The following SAMD12 variants were observed in gnomAD, a reference collection of about 807,000 sequenced individuals.
SAMD12 encodes the protein sterile alpha motif domain containing 12.
SAMD12 carries 9 observed loss-of-function variants against 15.0 expected under a neutral mutation model. That is an observed-to-expected ratio of 0.60 (90% CI 0.36 to 1.05). The LOEUF is 1.05. Among genes scored for constraint, SAMD12 ranks in the 50% least tolerant of loss-of-function variants. The pLI, the probability that SAMD12 is intolerant of heterozygous loss-of-function variation, is 0.01. For synonymous variants in SAMD12, 86 were observed against 90.1 expected (o/e 0.96, Z 0.25); for missense variants, 230 against 234.2 (o/e 0.98, Z 0.12).
At chr8:118,206,199 C>G (rs1476987055) in intron 4 of SAMD12, among the ~76,000 whole-genome samples, 1 of 152,190 alleles carries the variant, frequency 6.6e-6, no homozygotes, top group Admixed American at 6.5e-5. Context: ...GACTAGAAAA[C>G]TCTGTTTAAT....
rs145109815 is a variant in SAMD12 at position 118,589,531 on chromosome 8, G to C, written c.14-8638C>G. On this transcript the variant is annotated intron_variant, in intron 1 of 3. Transcript: ENST00000314727. The stretch of plus-strand genomic sequence containing the variant: ...GAAATTAAAATAATGCTTAACTTAG[G>C]TATTGCAGAATCAGTAAAGTGGGGA... 6.5e-4 allele frequency among the ~76,000 whole-genome samples: 99 copies of C among 152,300 alleles called. 1 individual carries two copies. Among genetic ancestry groups the C allele is most frequent in the Admixed American group, 2.7e-3 (42 of 15,288 alleles).
At chr8:118,336,779 T>C (rs1250581549) in intron 4 of SAMD12, among the ~76,000 whole-genome samples, 4 of 152,186 alleles carry the variant, frequency 2.6e-5, no homozygotes, top group Admixed American at 2.0e-4. Flanking sequence ...CCATCAATGA[T>C]AGACTGGATT....
At chr8:118,189,509 G>A (rs1819301252) in exon 5 of SAMD12, 1 of 152,076 alleles carries the variant, frequency 6.6e-6, no homozygotes, top group South Asian at 2.1e-4. Flanking sequence ...CACATAAGGA[G>A]TCAAGTAATG....
At chr8:118,533,891 T>C (rs1825760475) in intron 2 of SAMD12, among the ~76,000 whole-genome samples, 1 of 152,222 alleles carries the variant, frequency 6.6e-6, no homozygotes, top group Non-Finnish European at 1.5e-5. Flanking sequence ...CTTGACTCTT[T>C]ATCCAATTTG....
intron 4 of SAMD12, among the ~76,000 whole-genome samples, chr8:118,228,486 A>C (rs1812232347): frequency 6.6e-6 from 1 of 152,250 alleles, no homozygotes; most frequent in South Asian, 2.1e-4. Context: ...GGACATGAAT[A>C]GACAATTCTC....
intron 2 of SAMD12, among the ~76,000 whole-genome samples, chr8:118,482,224 T>C (rs1824146466): frequency 6.6e-6 from 1 of 152,228 alleles, no homozygotes; most frequent in African/African-American, 2.4e-5. Flanking sequence ...AGACCCTTGA[T>C]ATAAGATGAC....
intron 2 of SAMD12, among the ~76,000 whole-genome samples, chr8:118,553,497 G>A (rs1013483800): frequency 6.6e-6 from 1 of 152,120 alleles, no homozygotes; most frequent in Non-Finnish European, 1.5e-5. Context: ...AGCTGAAACT[G>A]GATCCCTTCC....
At chr8:118,400,908 C>T (rs1820837487) in intron 3 of SAMD12, among the ~76,000 whole-genome samples, 1 of 152,138 alleles carries the variant, frequency 6.6e-6, no homozygotes, top group Non-Finnish European at 1.5e-5. Flanking sequence ...ATCATAACAT[C>T]AACAGCTTGA....
At chr8:118,561,263 G>A (rs751900662) in intron 2 of SAMD12, among the ~76,000 whole-genome samples, 2 of 152,028 alleles carry the variant, frequency 1.3e-5, no homozygotes, top group African/African-American at 2.4e-5. Flanking sequence ...AATCTATTTG[G>A]TGAAAACAAA....
At chr8:118,495,094 A>G (rs560275375) in intron 2 of SAMD12, among the ~76,000 whole-genome samples, 7 of 152,228 alleles carry the variant, frequency 4.6e-5, no homozygotes, top group Admixed American at 2.0e-4. Flanking sequence ...ACATACAGTA[A>G]GTTTTCAGGA....
intron 3 of SAMD12, among the ~76,000 whole-genome samples, chr8:118,390,897 T>C (rs905147355): frequency 6.6e-6 from 1 of 152,148 alleles, no homozygotes; most frequent in African/African-American, 2.4e-5. Flanking sequence ...TTTTAGACAA[T>C]CTATTATTTT....
At chr8:118,545,224 T>C (rs984937878) in intron 2 of SAMD12, among the ~76,000 whole-genome samples, 14 of 152,286 alleles carry the variant, frequency 9.2e-5, no homozygotes, top group African/African-American at 3.4e-4. Flanking sequence ...CCCAACACTC[T>C]GGGAGGCCGA....
intron 4 of SAMD12, among the ~76,000 whole-genome samples, chr8:118,238,161 G>A (rs944555481): frequency 7.9e-5 from 12 of 152,014 alleles, no homozygotes; most frequent in East Asian, 1.9e-4. Flanking sequence ...TAAAATGGGG[G>A]TAGTAATAAT....
chr8:118,362,532 T>C (rs1395124375), intron 4 of SAMD12, among the ~76,000 whole-genome samples: 2 of 152,194 alleles, frequency 1.3e-5, no homozygotes, highest in Non-Finnish European at 2.9e-5. Context: ...AGAAATGGGA[T>C]AAACTGAAAT....
At chr8:118,349,202 T>C (rs1380202555) in intron 4 of SAMD12, among the ~76,000 whole-genome samples, 1 of 152,242 alleles carries the variant, frequency 6.6e-6, no homozygotes, top group Non-Finnish European at 1.5e-5. Context: ...CAATTTTTAA[T>C]ATGCCTTAAC....
At chr8:118,460,048 C>A (rs1823370426) in intron 2 of SAMD12, among the ~76,000 whole-genome samples, 1 of 152,204 alleles carries the variant, frequency 6.6e-6, no homozygotes, top group Non-Finnish European at 1.5e-5. Flanking sequence ...CTTCCTATCA[C>A]AACTACACAT....
intron 2 of SAMD12, among the ~76,000 whole-genome samples, chr8:118,572,004 G>A (rs760733583): frequency 3.3e-5 from 5 of 152,198 alleles, no homozygotes; most frequent in Non-Finnish European, 7.3e-5. Context: ...CTCAATGCCA[G>A]TCCATGAAAG....
chr8:118,568,238 T>A (rs1826902688), intron 2 of SAMD12, among the ~76,000 whole-genome samples: 1 of 152,062 alleles, frequency 6.6e-6, no homozygotes, highest in African/African-American at 2.4e-5. Flanking sequence ...GGGTGCACCT[T>A]GTGCATCCCA....
intron 4 of SAMD12, among the ~76,000 whole-genome samples, chr8:118,245,899 G>A (rs1254175721): frequency 1.3e-5 from 2 of 152,188 alleles, no homozygotes; most frequent in East Asian, 3.9e-4. Context: ...TAAGACAAAT[G>A]GAAACCCATT....
Sources: gnomAD v4.1 joint callset for allele counts (sites outside exome capture counted in the v4.1 genomes callset) on GRCh38, gnomAD v4.1.1 for gene constraint, MANE v1.5 for transcripts, NCBI Gene and HGNC (gene_info 2026-07-23, HGNC 2026-07-21) for gene names.